TANC2: variants seen among roughly 807,000 people sequenced by gnomAD.
TANC2 encodes the protein tetratricopeptide repeat, ankyrin repeat and coiled-coil containing 2.
Under a neutral mutation model 210.5 loss-of-function variants are expected in TANC2, and 26 were observed. That is an observed-to-expected ratio of 0.12 (90% CI 0.09 to 0.17). TANC2 has a LOEUF of 0.17. TANC2 is among the 10% of genes least tolerant of loss of function. The pLI is 1.00. For missense variants in TANC2, 2,129 were observed against 2,608.9 expected, an observed-to-expected ratio of 0.82 and a Z score of 4.01; for synonymous variants, 931 against 967.1, an observed-to-expected ratio of 0.96 and a Z score of 0.69.
chr17:63,026,068 T>C (rs890997936), intron 2 of TANC2, among the ~76,000 whole-genome samples: 10 of 152,084 alleles, frequency 6.6e-5, no homozygotes, highest in African/African-American at 1.7e-4. Flanking sequence ...CCTTACTTCA[T>C]TGATATTTCT....
chr17:63,133,656 G>A (rs1170234625), intron 4 of TANC2, among the ~76,000 whole-genome samples: 2 of 152,050 alleles, frequency 1.3e-5, no homozygotes, highest in African/African-American at 4.8e-5. Flanking sequence ...GTAAAACTAT[G>A]TTTGCAAGGA....
At chr17:63,407,687 G>C (rs1439200750) in intron 21 of TANC2, among the ~76,000 whole-genome samples, 1 of 152,114 alleles carries the variant, frequency 6.6e-6, no homozygotes, top group African/African-American at 2.4e-5. Context: ...ACTATAACCT[G>C]TGCCCTCAAA....
At chr17:62,970,621 T>G (rs1341698170) in intron 1 of TANC2, among the ~76,000 whole-genome samples, 1 of 152,174 alleles carries the variant, frequency 6.6e-6, no homozygotes, top group Admixed American at 6.5e-5. Flanking sequence ...ATTAGGGTAG[T>G]TGGTACTGAT....
intron 2 of TANC2, among the ~76,000 whole-genome samples, chr17:63,059,090 T>C (rs2035906613): frequency 6.6e-6 from 1 of 152,176 alleles, no homozygotes; most frequent in South Asian, 2.1e-4. Flanking sequence ...GTTTTTCCTT[T>C]GTTTGTATCA....
chr17:63,401,908 G>A (rs2048355919), intron 19 of TANC2, among the ~76,000 whole-genome samples: 1 of 151,998 alleles, frequency 6.6e-6, no homozygotes, highest in African/African-American at 2.4e-5. Context: ...ATCATCATTT[G>A]CCTAGATTAT....
In TANC2 at chr17:63,314,780, C is replaced by A. The variant is rs184831725; in HGVS notation, c.1441+111C>A. The A allele has an allele frequency of 6.8e-6, 9 of 1,315,618 alleles. No individual in the cohort carries two copies. In the East Asian group the frequency reaches 1.8e-4, roughly 27 times the overall value. The allele number at this position is 1,315,618 out of a possible 1,614,324, so 81.5% of individuals were successfully genotyped here. On this transcript the variant is annotated intron_variant, in intron 10 of 27. Coordinates refer to ENST00000689528, the Ensembl canonical transcript of TANC2. Reference sequence around the variant, plus strand: ...TTTTCTCATCTGCAAAACCTGACTTCCACGTGAGGACTATTCATTTAGGTT... The same window carrying A: ...TTTTCTCATCTGCAAAACCTGACTTACACGTGAGGACTATTCATTTAGGTT...
chr17:63,150,508 C>A (rs1324612167), intron 4 of TANC2: 1 of 152,110 alleles, frequency 6.6e-6, no homozygotes, highest in Non-Finnish European at 1.5e-5. Context: ...TTATTCCTTA[C>A]AAGAATGAAT....
At chr17:63,168,050 T>C (rs373338670) in intron 5 of TANC2, among the ~76,000 whole-genome samples, 5 of 152,148 alleles carry the variant, frequency 3.3e-5, no homozygotes, top group Non-Finnish European at 5.9e-5. Flanking sequence ...CTTTAACTTA[T>C]GCCCTAGGTG....
At chr17:63,005,581 A>C (rs1265648351) in intron 1 of TANC2, among the ~76,000 whole-genome samples, 1 of 151,910 alleles carries the variant, frequency 6.6e-6, no homozygotes, top group African/African-American at 2.4e-5. Flanking sequence ...TCAATCCATG[A>C]ACATGGCTTA....
intron 7 of TANC2, among the ~76,000 whole-genome samples, chr17:63,206,427 C>T (rs769528668): frequency 1.5e-4 from 23 of 152,006 alleles, no homozygotes; most frequent in Non-Finnish European, 2.9e-4. Flanking sequence ...ATTTTCACAA[C>T]GGCCAAAAAG....
intron 5 of TANC2, chr17:63,153,100 C>G (rs140880806): frequency 6.6e-6 from 1 of 152,226 alleles, no homozygotes; most frequent in Non-Finnish European, 1.5e-5. Context: ...AAATTAGTTT[C>G]TACCAAGATA....
intron 8 of TANC2, among the ~76,000 whole-genome samples, chr17:63,248,583 A>G (rs1337745369): frequency 6.6e-6 from 1 of 152,158 alleles, no homozygotes; most frequent in African/African-American, 2.4e-5. Context: ...GGTCCTTGCC[A>G]TGATACAGAT....
chr17:63,318,941 A>G lies in TANC2; in HGVS notation c.1442-16A>G. 6.2e-7 allele frequency: 1 copy of G among 1,611,986 alleles called. No individual in the cohort carries two copies. Among genetic ancestry groups the G allele is most frequent in the Non-Finnish European group, 8.5e-7 (1 of 1,179,720 alleles). On this transcript the variant is annotated splice_polypyrimidine_tract_variant and intron_variant, in intron 10 of 27. Coordinates refer to ENST00000689528, the Ensembl canonical transcript of TANC2. Reference sequence around the variant, plus strand: ...TATGATTATCTGATGCAAACATCTAAATCTTTTTAATCCAGATGTGGATGC... The same window carrying G: ...TATGATTATCTGATGCAAACATCTAGATCTTTTTAATCCAGATGTGGATGC...
At chr17:63,136,765 C>G (rs947165068) in intron 4 of TANC2, among the ~76,000 whole-genome samples, 1 of 152,000 alleles carries the variant, frequency 6.6e-6, no homozygotes, top group African/African-American at 2.4e-5. Flanking sequence ...TAATGTGATC[C>G]CTGAGAGAAA....
intron 7 of TANC2, among the ~76,000 whole-genome samples, chr17:63,206,868 T>C (rs2041730090): frequency 6.6e-6 from 1 of 152,196 alleles, no homozygotes; most frequent in Admixed American, 6.5e-5. Context: ...ATGGCTAAAA[T>C]AATTTTATGT....
chr17:63,232,441 G>A (rs981251687), intron 7 of TANC2, among the ~76,000 whole-genome samples: 1 of 152,198 alleles, frequency 6.6e-6, no homozygotes, highest in Non-Finnish European at 1.5e-5. Flanking sequence ...GGGTTTTTGT[G>A]GGGACATTTT....
chr17:63,259,062 T>C (rs887643918), intron 8 of TANC2, among the ~76,000 whole-genome samples: 5 of 152,112 alleles, frequency 3.3e-5, no homozygotes, highest in African/African-American at 1.2e-4. Context: ...CAGTACTGGG[T>C]CCTTCCTTTC....
At chr17:63,400,111 G>A (rs186074480) in intron 19 of TANC2, among the ~76,000 whole-genome samples, 7 of 152,380 alleles carry the variant, frequency 4.6e-5, no homozygotes, top group Admixed American at 2.0e-4. Flanking sequence ...CAGAGCTGCA[G>A]GAGGGACATG....
intron 7 of TANC2, among the ~76,000 whole-genome samples, chr17:63,206,187 G>C (rs554383358): frequency 7.2e-4 from 109 of 152,250 alleles, no homozygotes; most frequent in African/African-American, 2.5e-3. Context: ...ATTATAAAAA[G>C]AAAGTGGAAC....
Sources: allele counts gnomAD v4.1 joint callset (sites outside exome capture counted in the v4.1 genomes callset), GRCh38; gene constraint gnomAD v4.1.1; transcripts MANE v1.5; gene names NCBI Gene and HGNC (gene_info 2026-07-23, HGNC 2026-07-21).